The following FASTKD5 variants were observed in gnomAD, a reference collection of about 807,000 sequenced individuals.
FASTKD5 encodes the protein non-canonical pre-mRNAs endonuclease FASTKD5, mitochondrial.
FASTKD5 carries 30 observed loss-of-function variants against 44.0 expected under a neutral mutation model. The observed-to-expected ratio is 0.68, with a 90% CI of 0.51 to 0.93. The LOEUF is 0.93. Among genes scored for constraint, FASTKD5 ranks in the 40% least tolerant of loss-of-function variants. The pLI is 0.00. For missense variants in FASTKD5, 868 were observed against 908.2 expected (o/e 0.96, Z 0.57); for synonymous variants, 335 against 342.2 (o/e 0.98, Z 0.23).
Position 3,149,128 on chromosome 20 carries a change from A to G in FASTKD5, c.-58T>C, listed in dbSNP as rs2066599478. 6.5e-7 allele frequency: 1 copy of G among 1,533,040 alleles called. No homozygotes were observed. Among genetic ancestry groups the G allele is most frequent in the Admixed American group, 2.1e-5 (1 of 47,676 alleles). The allele number at this position is 1,533,040 out of a possible 1,614,324, so 95.0% of individuals were successfully genotyped here. A position where few individuals can be genotyped will look rare whatever the true frequency, so the allele number is the denominator to read the frequency against. On this transcript the variant is annotated 5_prime_UTR_variant, in exon 2 of 2. Coordinates refer to ENST00000380266, the MANE Select transcript of FASTKD5 (RefSeq NM_021826.5). This position sits in a 1 kb window ranked among gnomAD's most constrained non-coding sequence, Gnocchi z 4.1. The stretch of plus-strand genomic sequence containing the variant: ...GAATACAGTCCTCACAGATTTGACC[A>G]GGCAATTTCTTGTTTATATGGTGCT...
intron 1 of FASTKD5, among the ~76,000 whole-genome samples, chr20:3,153,018 G>A (rs1195808467): frequency 6.6e-6 from 1 of 152,222 alleles, no homozygotes; most frequent in East Asian, 1.9e-4. Flanking sequence ...GAAGGAGGCT[G>A]GTTTACAAGA....
rs575413543 is a variant in FASTKD5 at position 3,156,237 on chromosome 20, G to A, written c.-191+3529C>T. ...GTTGCCCAGGCTGGAGTGCAGTGGC[G>A]TGATCTCAGCTCACTGCAACCTCTG... On this transcript the variant is annotated intron_variant, in intron 1 of 1. Transcript: ENST00000380266. Among the ~76,000 whole-genome samples, 21 of 148,922 alleles carry A rather than the reference G, an allele frequency of 1.4e-4. No individual in the cohort carries two copies. The South Asian group carries it at 1.5e-3, about 11-fold the overall frequency.
chr20:3,159,317 G>A (rs543223907), intron 1 of FASTKD5, among the ~76,000 whole-genome samples: 2 of 152,330 alleles, frequency 1.3e-5, no homozygotes, highest in East Asian at 1.9e-4. Flanking sequence ...TGTGGTCTGC[G>A]TGCCAGAGGC....
chr20:3,154,819 G>A (rs924786968), intron 1 of FASTKD5, among the ~76,000 whole-genome samples: 1 of 152,016 alleles, frequency 6.6e-6, no homozygotes, highest in African/African-American at 2.4e-5. Context: ...TATATTGGGA[G>A]GATAAAGTGA....
In FASTKD5 at chr20:3,146,817, A is replaced by G; in HGVS notation, c.2254T>C (p.Leu752=). ...AATACTTTCTCATGAAGAAACGCCA[A>G]CTTTTCTAAGCGAGTTCGTTTCAGT... The part of the protein sequence containing the change: ...PLLKRTRLEK[L]AFLHEKVFTS... Residue 752 remains leucine, a synonymous_variant, in exon 2 of 2, where the codon TTG becomes CTG. Transcript: ENST00000380266. 3.1e-6 allele frequency: 5 copies of G among 1,614,162 alleles called. No individual in the cohort carries two copies. Among genetic ancestry groups the G allele is most frequent in the Non-Finnish European group, 4.2e-6 (5 of 1,180,004 alleles).
At chr20:3,152,769 G>A (rs368571015) in intron 1 of FASTKD5, among the ~76,000 whole-genome samples, 147 of 151,764 alleles carry the variant, frequency 9.7e-4, no homozygotes, top group African/African-American at 3.4e-3. Context: ...TTAGCTGGGC[G>A]TGGTAGTGCG....
At position 3,147,557 on chromosome 20, in the gene FASTKD5, C is replaced by A; in HGVS notation, c.1514G>T (p.Arg505Ile). 1 of 1,614,194 alleles carries A rather than the reference C, an allele frequency of 6.2e-7. No homozygotes were observed. The highest frequency in any genetic ancestry group is 8.5e-7 in the Non-Finnish European group (1 of 1,180,040). ...SPGFVRLAQERTKFDLLKELY... is the reference protein window; with the variant it reads ...SPGFVRLAQEITKFDLLKELY... ...TTCCTTAAGGAGGTCAAACTTAGTT[C>A]TCTCCTGAGCTAACCTGACAAACCC... The change falls in exon 2 of 2, where the codon AGA becomes ATA. Residue 505 changes from arginine to isoleucine, a missense_variant. Arg to Ile is a moderately conservative substitution (Grantham distance 97). Coordinates refer to ENST00000380266, the MANE Select transcript of FASTKD5 (RefSeq NM_021826.5).
In FASTKD5 at chr20:3,155,168, C is replaced by T. The variant is rs1169365809; in HGVS notation, c.-191+4598G>A. ...CAGCACTTTGGGAAGCTGAGGTGGG[C>T]GGATTGCTTTAGGCCAGGAGTTCTA... is the stretch of plus-strand genomic sequence containing the variant. On this transcript the variant is annotated intron_variant, in intron 1 of 1. Coordinates refer to ENST00000380266, the MANE Select transcript of FASTKD5 (RefSeq NM_021826.5). 2.6e-5 allele frequency among the ~76,000 whole-genome samples: 4 copies of T among 151,604 alleles called. No individual in the cohort carries two copies. In the South Asian group the frequency reaches 6.3e-4, roughly 24 times the overall value.
In FASTKD5 at chr20:3,146,945, T is replaced by C. The variant is rs576903987; in HGVS notation, c.2126A>G (p.Tyr709Cys). Residue 709 changes from tyrosine (Y) to cysteine (C), a missense_variant, in exon 2 of 2, where the codon TAT (tyrosine) becomes TGT (cysteine). By Grantham distance (194) the Tyr-to-Cys change is radical. Coordinates refer to ENST00000380266, the MANE Select transcript of FASTKD5 (RefSeq NM_021826.5). ...CAGTCCAAGGAGATCCCTGGAGCCA[T>C]AGCAATACTGGTTCCTGTTTGTGAA... Reference protein sequence around the residue: ...VQFTNRNQYCYGSRDLLGLHN... With the variant: ...VQFTNRNQYCCGSRDLLGLHN... 69 of 1,614,170 alleles carry C rather than the reference T, an allele frequency of 4.3e-5. No homozygotes were observed. The Admixed American group carries it at 8.7e-4, about 20-fold the overall frequency.
chr20:3,148,330 C>A lies in FASTKD5; in HGVS notation c.741G>T (p.Val247=). 1 of 1,613,970 alleles carries A rather than the reference C, an allele frequency of 6.2e-7. No individual in the cohort carries two copies. The highest frequency in any genetic ancestry group is 8.5e-7 in the Non-Finnish European group (1 of 1,179,994). ...WEMNMDQLLL[V]ADLWRYLGRK... is the part of the protein sequence containing the mutation. ...GGCCTAAGTACCTCCAGAGATCAGC[C>A]ACCAAAAGGAGCTGATCCATATTCA... Residue 247 remains valine, a synonymous_variant, in exon 2 of 2, where the codon GTG becomes GTT. Coordinates refer to ENST00000380266, the MANE Select transcript of FASTKD5 (RefSeq NM_021826.5).
chr20:3,155,747 G>A (rs1195519287), intron 1 of FASTKD5, among the ~76,000 whole-genome samples: 2 of 152,186 alleles, frequency 1.3e-5, no homozygotes, highest in Non-Finnish European at 2.9e-5. Context: ...TTTAGTGCAA[G>A]CACTTTCTAC....
intron 1 of FASTKD5, among the ~76,000 whole-genome samples, chr20:3,158,857 T>C (rs748535450): frequency 6.6e-5 from 10 of 152,252 alleles, no homozygotes; most frequent in Non-Finnish European, 1.3e-4. Flanking sequence ...CTACAGAATC[T>C]AGTTCTGGAA....
At chr20:3,158,206 A>C (rs183799031) in intron 1 of FASTKD5, among the ~76,000 whole-genome samples, 1 of 152,218 alleles carries the variant, frequency 6.6e-6, no homozygotes, top group East Asian at 1.9e-4. Context: ...CCTGGGCTCA[A>C]GTAATCCTTC....
In FASTKD5 at chr20:3,149,103, G is replaced by A. The variant is rs1282249266; in HGVS notation, c.-33C>T. On this transcript the variant is annotated 5_prime_UTR_variant, in exon 2 of 2. Coordinates refer to ENST00000380266, the MANE Select transcript of FASTKD5 (RefSeq NM_021826.5). The surrounding 1 kb of genome is among the most constrained non-coding windows in gnomAD (Gnocchi z 4.1). ...TCAGTATTGATCTCTTTGGCAGTCA[G>A]AATACAGTCCTCACAGATTTGACCA... is the stretch of plus-strand genomic sequence containing the variant. The A allele has an allele frequency of 1.9e-6, 3 of 1,577,202 alleles. No individual in the cohort carries two copies. The highest frequency in any genetic ancestry group is 2.2e-5 in the East Asian group (1 of 44,602).
At chr20:3,159,085 A>T (rs1362262991) in intron 1 of FASTKD5, among the ~76,000 whole-genome samples, 1 of 152,214 alleles carries the variant, frequency 6.6e-6, no homozygotes, top group African/African-American at 2.4e-5. Flanking sequence ...TCCCTGAGTC[A>T]AGACAGAAGA....
intron 1 of FASTKD5, among the ~76,000 whole-genome samples, chr20:3,158,558 C>A (rs1325252047): frequency 6.6e-6 from 1 of 152,180 alleles, no homozygotes; most frequent in African/African-American, 2.4e-5. Context: ...ACTGCACACT[C>A]CGCCTCCCGG....
At position 3,148,139 on chromosome 20, in the gene FASTKD5, T is replaced by C. The variant is rs1374819213; in HGVS notation, c.932A>G (p.Asp311Gly). Residue 311 changes from aspartate (D) to glycine (G), a missense_variant, in exon 2 of 2, where the codon GAT becomes GGT. By Grantham distance (94) the Asp-to-Gly change is moderately conservative. Transcript: ENST00000380266. ...ACCAACCTCCTCCAAATTGATCAAA[T>C]CTATATATTTAAGGATCAATGATTC... Reference protein sequence around the residue: ...KLESLILKYIDLINLEEVGTI... With the variant: ...KLESLILKYIGLINLEEVGTI... 6.8e-6 allele frequency: 11 copies of C among 1,613,754 alleles called. No individual in the cohort carries two copies. The African/African-American group carries it at 1.5e-4, about 22-fold the overall frequency.
chr20:3,155,052 C>CAAAAAA (rs11326176), intron 1 of FASTKD5, among the ~76,000 whole-genome samples: 9 of 96,072 alleles, frequency 9.4e-5, no homozygotes, highest in African/African-American at 2.3e-4. Flanking sequence ...GACACAGTCT[C>CAAAAAA]AAAAAAAAAA....
At chr20:3,151,742 T>C (rs1328398524) in intron 1 of FASTKD5, 1 of 151,946 alleles carries the variant, frequency 6.6e-6, no homozygotes, top group Non-Finnish European at 1.5e-5. Flanking sequence ...TAATTGAAGA[T>C]TACAGTCCTC....
Sources: gnomAD v4.1 joint callset for allele counts (sites outside exome capture counted in the v4.1 genomes callset) on GRCh38, gnomAD v4.1.1 for gene constraint, Gnocchi (gnomAD v3.1) non-coding constraint, MANE v1.5 for transcripts, NCBI Gene and HGNC (gene_info 2026-07-23, HGNC 2026-07-21) for gene names.